Variants in MSN observed in about 807,000 individuals in gnomAD.
MSN encodes the protein moesin, also known as epididymis luminal protein 70.
A neutral mutation model predicts 48.0 loss-of-function variants in MSN; 2 were observed. The observed-to-expected ratio is 0.04, with a 90% CI of 0.02 to 0.13. The LOEUF is 0.13. Among genes scored for constraint, MSN ranks in the 10% least tolerant of loss-of-function variants. The probability of loss-of-function intolerance (pLI) is 1.00; values close to 1 mark genes in which losing one functional copy is unlikely to be tolerated. For missense variants in MSN, 267 were observed against 470.1 expected (o/e 0.57, Z 3.99); for synonymous variants, 146 against 166.9 (o/e 0.87, Z 0.97).
chrX:65,684,718 G>A (rs1288321100), intron 1 of MSN, among the ~76,000 whole-genome samples: 1 of 111,783 alleles, frequency 8.9e-6, no homozygotes, highest in African/African-American at 3.3e-5. Context: ...GATTATAAGC[G>A]TAAGCCACTG....
At chrX:65,600,859 G>A (rs1456080760) in intron 1 of MSN, 1 of 111,696 alleles carries the variant, frequency 9.0e-6, no homozygotes, top group Non-Finnish European at 1.9e-5. Context: ...GTCTCTTACA[G>A]AATTTAGACC....
rs1280264350 is a variant in MSN at position 65,739,961 on chromosome X, C to T, written c.*68C>T. On this transcript the variant is annotated 3_prime_UTR_variant, in exon 13 of 13. Coordinates refer to ENST00000360270, the MANE Select transcript of MSN (RefSeq NM_002444.3). ...TCCCCACACTCCTACACCTAACTCACCTAACTCATACTGTGCTGGAGCCAC... is the reference window on the plus strand; with the variant it reads ...TCCCCACACTCCTACACCTAACTCATCTAACTCATACTGTGCTGGAGCCAC... The T allele has an allele frequency of 1.8e-6, 2 of 1,098,372 alleles. No individual in the cohort carries two copies. Among genetic ancestry groups the T allele is most frequent in the Admixed American group, 4.9e-5 (2 of 40,906 alleles). The allele number at this position is 1,098,372 out of a possible 1,213,427, so 90.5% of individuals were successfully genotyped here. A position where few individuals can be genotyped will look rare whatever the true frequency, so the allele number is the denominator to read the frequency against.
intron 1 of MSN, among the ~76,000 whole-genome samples, chrX:65,698,799 CCA>C (rs2071272438): frequency 8.9e-6 from 1 of 112,220 alleles, no homozygotes; most frequent in South Asian, 3.7e-4. Context: ...TGGTCTCTCT[CCA>C]CAGTTTTCTA....
intron 1 of MSN, among the ~76,000 whole-genome samples, chrX:65,641,702 T>C (rs2070655503): frequency 9.8e-6 from 1 of 101,875 alleles, no homozygotes; most frequent in African/African-American, 3.5e-5. Flanking sequence ...AAATGGAAGC[T>C]AGAAAACTGT....
At chrX:65,684,531 C>T (rs759882704) in intron 1 of MSN, among the ~76,000 whole-genome samples, 4 of 108,127 alleles carry the variant, frequency 3.7e-5, no homozygotes, top group African/African-American at 1.0e-4. Flanking sequence ...CTCTGCCTCC[C>T]GGGTTCAAGC....
intron 1 of MSN, among the ~76,000 whole-genome samples, chrX:65,673,632 G>A (rs1336607308): frequency 9.0e-6 from 1 of 111,340 alleles, no homozygotes; most frequent in African/African-American, 3.3e-5. Flanking sequence ...TTTTGTATGG[G>A]GTACAGCATT....
chrX:65,708,535 C>T (rs752155924), intron 1 of MSN, among the ~76,000 whole-genome samples: 2 of 107,824 alleles, frequency 1.9e-5, no homozygotes, highest in Non-Finnish European at 3.9e-5. Flanking sequence ...TCAGGTGATC[C>T]GCCCACATTG....
chrX:65,699,037 CTGTT>C (rs1376825201), intron 1 of MSN, among the ~76,000 whole-genome samples: 1 of 112,065 alleles, frequency 8.9e-6, no homozygotes, highest in Non-Finnish European at 1.9e-5. Flanking sequence ...GGGTTACAAA[CTGTT>C]TGGCTGGGCT....
chrX:65,651,212 A>T (rs1228160111), intron 1 of MSN, among the ~76,000 whole-genome samples: 1 of 109,178 alleles, frequency 9.2e-6, no homozygotes. Context: ...CTTGAGTTCA[A>T]GCGTTTGAGA....
intron 1 of MSN, among the ~76,000 whole-genome samples, chrX:65,603,735 G>C (rs975121432): frequency 4.5e-5 from 5 of 112,268 alleles, no homozygotes; most frequent in African/African-American, 1.6e-4. Context: ...TGTCATTACA[G>C]TGCCCAGCAC....
At chrX:65,711,020 G>A (rs1453557430) in intron 1 of MSN, among the ~76,000 whole-genome samples, 2 of 104,747 alleles carry the variant, frequency 1.9e-5, no homozygotes, top group Non-Finnish European at 3.9e-5. Flanking sequence ...GAGTAGCTGG[G>A]ACTACAGGCG....
intron 1 of MSN, among the ~76,000 whole-genome samples, chrX:65,607,556 C>A (rs1449993351): frequency 9.0e-6 from 1 of 111,523 alleles, no homozygotes; most frequent in East Asian, 2.8e-4. Flanking sequence ...CCCTTGTATT[C>A]ATGATATCAT....
chrX:65,728,548 C>T (rs1206985400), intron 3 of MSN, among the ~76,000 whole-genome samples: 1 of 110,844 alleles, frequency 9.0e-6, no homozygotes, highest in African/African-American at 3.3e-5. Flanking sequence ...CCGCCTCGGC[C>T]TCCCAAAGTG....
At chrX:65,641,523 C>T (rs1315888047) in intron 1 of MSN, among the ~76,000 whole-genome samples, 2 of 69,621 alleles carry the variant, frequency 2.9e-5, no homozygotes, top group Non-Finnish European at 5.1e-5. Flanking sequence ...GAGTGAGACT[C>T]GGTCTCAAAA....
At chrX:65,697,710 AT>A (rs750767130) in intron 1 of MSN, among the ~76,000 whole-genome samples, 5 of 112,366 alleles carry the variant, frequency 4.4e-5, no homozygotes, top group Admixed American at 2.8e-4. Context: ...ATTTTATTGT[AT>A]TTTTGCATTT....
intron 1 of MSN, among the ~76,000 whole-genome samples, chrX:65,707,657 T>G (rs950657758): frequency 1.8e-5 from 2 of 112,092 alleles, no homozygotes; most frequent in Admixed American, 9.5e-5. Flanking sequence ...TTAGGTTCTT[T>G]CCTCCCAAAC....
At chrX:65,644,544 T>C (rs2070681371) in intron 1 of MSN, among the ~76,000 whole-genome samples, 1 of 112,115 alleles carries the variant, frequency 8.9e-6, no homozygotes, top group Non-Finnish European at 1.9e-5. Context: ...ATGTTTTATT[T>C]ATCCCACAAA....
chrX:65,688,572 C>T (rs1420094286), intron 1 of MSN, among the ~76,000 whole-genome samples: 1 of 111,949 alleles, frequency 8.9e-6, no homozygotes, highest in East Asian at 2.8e-4. Context: ...TGGACTTAAG[C>T]TCTGGTCATG....
At chrX:65,664,143 G>A (rs752309879), upstream of MSN, among the ~76,000 whole-genome samples, 20 of 111,342 alleles carry the variant, frequency 1.8e-4, no homozygotes, top group African/African-American at 6.2e-4. Context: ...TGCAGCCATA[G>A]AAAAGAATAA....
Sources: gnomAD v4.1 joint callset for allele counts (sites outside exome capture counted in the v4.1 genomes callset) on GRCh38, gnomAD v4.1.1 for gene constraint, MANE v1.5 for transcripts, NCBI Gene and HGNC (gene_info 2026-07-23, HGNC 2026-07-21) for gene names.